The following ANK2 variants were observed in gnomAD, a reference collection of about 807,000 sequenced individuals.
ANK2 encodes ankyrin 2, also known as ankyrin-2.
Under a neutral mutation model 360.5 loss-of-function variants are expected in ANK2, and 83 were observed. That is an observed-to-expected ratio of 0.23 (90% CI 0.19 to 0.28). The LOEUF is 0.28. ANK2 is among the 10% of genes least tolerant of loss of function. ANK2 has a pLI of 1.00. For missense variants in ANK2, 4,201 were observed against 4,795.7 expected (o/e 0.88, Z 3.66); for synonymous variants, 1,740 against 1,759.5 (o/e 0.99, Z 0.28).
At chr4:112,788,222 G>A in the ANK2 span, 16 of 1,589,840 alleles carry the variant, frequency 1.0e-5, no homozygotes, top group South Asian at 3.3e-5. Context: ...GGTCCTGATA[G>A]CTTCCACCAG....
At chr4:112,783,091 G>A in the ANK2 span, among the ~76,000 whole-genome samples, 1 of 151,830 alleles carries the variant, frequency 6.6e-6, no homozygotes, top group Non-Finnish European at 1.5e-5. Context: ...TGTATTTTTA[G>A]TAGAGATGAG....
chr4:112,858,491 T>C (rs971847933), intron 1 of ANK2, among the ~76,000 whole-genome samples: 2 of 152,154 alleles, frequency 1.3e-5, no homozygotes, highest in Non-Finnish European at 2.9e-5. Flanking sequence ...GAAGAGAAAT[T>C]TGAACTTGGG....
At chr4:113,283,600 T>G (rs1285786907) in intron 18 of ANK2, among the ~76,000 whole-genome samples, 1 of 152,170 alleles carries the variant, frequency 6.6e-6, no homozygotes, top group Non-Finnish European at 1.5e-5. Flanking sequence ...TTTTTACAAG[T>G]ATATGTCTTT....
At position 113,055,730 on chromosome 4, in the gene ANK2, A is replaced by G. The variant is rs148328776; in HGVS notation, c.84+5918A>G. On this transcript the variant is annotated intron_variant, in intron 1 of 45. Transcript: ENST00000357077. ...TTCATAGATGAGAAACTGGAGACTC[A>G]GAGACTACATACAGATGGTGCTGAA... 5.7e-3 allele frequency among the ~76,000 whole-genome samples: 871 copies of G among 152,330 alleles called. 7 individuals are homozygous for G. The highest frequency in any genetic ancestry group is 0.02 in the African/African-American group (841 of 41,584).
At chr4:113,278,958 AT>A (rs1314298784) in intron 17 of ANK2, among the ~76,000 whole-genome samples, 8 of 151,702 alleles carry the variant, frequency 5.3e-5, no homozygotes, top group African/African-American at 1.9e-4. Flanking sequence ...TCAAACTTCT[AT>A]TTGTTTCTTT....
chr4:112,804,883 G>A, the ANK2 span, among the ~76,000 whole-genome samples: 1 of 151,836 alleles, frequency 6.6e-6, no homozygotes, highest in Admixed American at 6.6e-5. Flanking sequence ...GATTGCTTGA[G>A]CCCTGGAGTT....
chr4:113,000,053 A>T (rs997401111), intron 2 of ANK2, among the ~76,000 whole-genome samples: 1 of 152,230 alleles, frequency 6.6e-6, no homozygotes, highest in African/African-American at 2.4e-5. Context: ...TTCACATAAA[A>T]GGACTCAAAG....
intron 45 of ANK2, among the ~76,000 whole-genome samples, chr4:113,373,809 G>T (rs75757693): frequency 0.016 from 2,437 of 152,322 alleles, 68 homozygotes; most frequent in African/African-American, 0.055. Context: ...ACGCACTGTG[G>T]TGCTTGTGCC....
At chr4:113,059,928 G>T (rs2072265020) in intron 1 of ANK2, among the ~76,000 whole-genome samples, 1 of 152,066 alleles carries the variant, frequency 6.6e-6, no homozygotes. Flanking sequence ...AGTGTCAAAG[G>T]CATACACTTC....
At chr4:113,233,814 G>T (rs2153542453) in intron 5 of ANK2, among the ~76,000 whole-genome samples, 1 of 152,070 alleles carries the variant, frequency 6.6e-6, no homozygotes, top group Middle Eastern at 3.4e-3. Context: ...AAATGTTTTT[G>T]AGTTCTCTAT....
chr4:113,218,602 A>C (rs1377298556), intron 4 of ANK2, among the ~76,000 whole-genome samples: 1 of 152,214 alleles, frequency 6.6e-6, no homozygotes, highest in Non-Finnish European at 1.5e-5. Context: ...TACTAGCTGC[A>C]GTTGACAGGA....
intron 24 of ANK2, among the ~76,000 whole-genome samples, chr4:113,312,506 CT>C (rs893775935): frequency 2.4e-4 from 35 of 147,362 alleles, no homozygotes; most frequent in Admixed American, 6.1e-4. Flanking sequence ...CTTCCACTAT[CT>C]TTTTTTTTTT....
intron 1 of ANK2, among the ~76,000 whole-genome samples, chr4:112,847,392 C>A (rs987805586): frequency 6.6e-6 from 1 of 152,158 alleles, no homozygotes; most frequent in Non-Finnish European, 1.5e-5. Flanking sequence ...ATCTTACTCT[C>A]CACAGAAAAT....
intron 22 of ANK2, among the ~76,000 whole-genome samples, chr4:113,298,926 T>G (rs1178953648): frequency 6.6e-6 from 1 of 152,248 alleles, no homozygotes; most frequent in Non-Finnish European, 1.5e-5. Context: ...TATGTAGGAC[T>G]ACTTATTTTC....
the ANK2 span, among the ~76,000 whole-genome samples, chr4:112,740,938 C>T: frequency 4.2e-3 from 639 of 151,854 alleles, 5 homozygotes; most frequent in African/African-American, 0.015. Flanking sequence ...TGCAGTGAGC[C>T]GAGATTGCAT....
the ANK2 span, among the ~76,000 whole-genome samples, chr4:112,771,071 CAAAA>C: frequency 2.6e-5 from 4 of 152,128 alleles, no homozygotes; most frequent in Non-Finnish European, 5.9e-5. Flanking sequence ...GCCCCTGTAA[CAAAA>C]GAAAGATTAA....
chr4:113,003,658 G>T (rs1291403701), intron 2 of ANK2, among the ~76,000 whole-genome samples: 2 of 152,096 alleles, frequency 1.3e-5, no homozygotes, highest in East Asian at 3.9e-4. Context: ...TAGGGTCAGT[G>T]GTCCAGTTTG....
intron 32 of ANK2, among the ~76,000 whole-genome samples, chr4:113,341,039 G>T (rs1301961966): frequency 6.6e-6 from 1 of 152,154 alleles, no homozygotes; most frequent in Non-Finnish European, 1.5e-5. Flanking sequence ...ACAAAAAATT[G>T]CCAGTCAATG....
chr4:113,038,619 G>A (rs376609659), intron 2 of ANK2, among the ~76,000 whole-genome samples: 56 of 151,976 alleles, frequency 3.7e-4, no homozygotes, highest in African/African-American at 8.0e-4. Flanking sequence ...AAGAGGTGGC[G>A]TCGATTTCTT....
Sources: gnomAD v4.1 joint callset for allele counts (sites outside exome capture counted in the v4.1 genomes callset) on GRCh38, gnomAD v4.1.1 for gene constraint, MANE v1.5 for transcripts, NCBI Gene and HGNC (gene_info 2026-07-23, HGNC 2026-07-21) for gene names.